Variants in TDRD6 observed in about 807,000 individuals in gnomAD.
TDRD6 encodes tudor domain-containing protein 6.
In TDRD6, 186 loss-of-function variants were observed where a neutral mutation model predicts 157.5. The ratio of observed to expected loss-of-function variants is 1.18; its 90% CI spans 1.05 to 1.33. The LOEUF is 1.33. Among genes scored for constraint, TDRD6 ranks in the 40% most tolerant of loss-of-function variants. TDRD6 has a pLI of 0.00. For synonymous variants in TDRD6, 1,075 were observed against 945.2 expected, an observed-to-expected ratio of 1.14 and a Z score of -2.52; for missense variants, 3,066 against 2,508.0, an observed-to-expected ratio of 1.22 and a Z score of -4.75.
Position 46,702,080 on chromosome 6 carries a change from G to C in TDRD6, c.*193G>C. On this transcript the variant is annotated 3_prime_UTR_variant, in exon 4 of 4. Transcript: ENST00000316081. ...GGTGGGGTGTGTTTATAGTGATCCT[G>C]TTATATATACAGATCTGGGATCTTT... The C allele has an allele frequency of 1.9e-6, 1 of 515,280 alleles. No homozygotes were observed. The highest frequency in any genetic ancestry group is 3.5e-6 in the Non-Finnish European group (1 of 288,464). 31.9% of individuals were successfully genotyped at this position (515,280 alleles called of 1,614,324 possible).
At chr6:46,681,516 ACCC>A in the TDRD6 span, 1 of 470,612 alleles carries the variant, frequency 2.1e-6, no homozygotes, top group South Asian at 1.6e-5. Context: ...CCCATACTTT[ACCC>A]CCAACAGGCT....
chr6:46,695,813 T>C lies in TDRD6; in HGVS notation c.6047-8T>C. On this transcript the variant is annotated splice_region_variant and splice_polypyrimidine_tract_variant and intron_variant, in intron 1 of 3. Transcript: ENST00000316081. ...ATGCATTGAGTCTTACTCAATTCAATTTGGCAGCTCAACTACAGAACACCT... is the reference window on the plus strand; with the variant it reads ...ATGCATTGAGTCTTACTCAATTCAACTTGGCAGCTCAACTACAGAACACCT... The C allele has an allele frequency of 6.2e-7, 1 of 1,611,506 alleles. No homozygotes were observed. Among genetic ancestry groups the C allele is most frequent in the Non-Finnish European group, 8.5e-7 (1 of 1,179,028 alleles).
In TDRD6 at chr6:46,688,302, C is replaced by T; in HGVS notation, c.174C>T (p.Gly58=). The T allele has an allele frequency of 6.7e-7, 1 of 1,503,652 alleles. No individual in the cohort carries two copies. The highest frequency in any genetic ancestry group is 8.8e-7 in the Non-Finnish European group (1 of 1,133,786). The allele number at this position is 1,503,652 out of a possible 1,614,324, so 93.1% of individuals were successfully genotyped here. The part of the protein sequence containing the change: ...REIQEAAATR[G]QWALGSASAS... ...TCCAGGAAGCGGCGGCCACGCGCGGCCAGTGGGCGCTGGGCAGCGCCTCGG... is the reference window on the plus strand; with the variant it reads ...TCCAGGAAGCGGCGGCCACGCGCGGTCAGTGGGCGCTGGGCAGCGCCTCGG... Residue 58 remains glycine (G), a synonymous_variant, in exon 1 of 4, where the codon GGC becomes GGT. Coordinates refer to ENST00000316081, the MANE Select transcript of TDRD6 (RefSeq NM_001010870.3).
intron 3 of TDRD6, among the ~76,000 whole-genome samples, chr6:46,699,609 T>C (rs756368424): frequency 4.3e-4 from 65 of 152,086 alleles, no homozygotes; most frequent in Non-Finnish European, 9.0e-4. Context: ...CTGTCTACGC[T>C]AGCTAGGCAG....
upstream of TDRD6, among the ~76,000 whole-genome samples, chr6:46,685,164 G>GT (rs1213266230): frequency 6.6e-6 from 1 of 151,800 alleles, no homozygotes; most frequent in African/African-American, 2.4e-5. Flanking sequence ...TTCGAGAGTC[G>GT]TTTATCTATT....
Position 46,690,362 on chromosome 6 carries a change from C to T in TDRD6, c.2234C>T (p.Ala745Val), listed in dbSNP as rs1322814594. ...ELVVQEKVKR[A>V]SVYFPLMQNC... is the part of the protein sequence containing the mutation. Reference sequence around the variant, plus strand: ...GTTGTGCAGGAAAAAGTGAAAAGAGCATCTGTTTATTTTCCTCTTATGCAG... The same window carrying T: ...GTTGTGCAGGAAAAAGTGAAAAGAGTATCTGTTTATTTTCCTCTTATGCAG... The change falls in exon 1 of 4, where the codon GCA (alanine) becomes GTA (valine). Residue 745 changes from alanine (A) to valine (V), a missense_variant. Transcript: ENST00000316081. 2.5e-6 allele frequency: 4 copies of T among 1,613,668 alleles called. No individual in the cohort carries two copies. The South Asian group carries it at 4.4e-5, about 18-fold the overall frequency.
Position 46,693,299 on chromosome 6 carries a change from A to G in TDRD6, c.5171A>G (p.Asn1724Ser), listed in dbSNP as rs1764397378. 11 of 1,610,386 alleles carry G rather than the reference A, an allele frequency of 6.8e-6. No homozygotes were observed. The highest frequency in any genetic ancestry group is 4.5e-5 in the East Asian group (2 of 44,842). The change falls in exon 1 of 4, where the codon AAT (asparagine) becomes AGT (serine). Residue 1724 changes from asparagine (N) to serine (S), a missense_variant. By Grantham distance (46) the Asn-to-Ser change is conservative (BLOSUM62 1). Transcript: ENST00000316081. ...ATAAAGCAGACTCTTGGGTCCTACA[A>G]TCTTGATGTAGGACTTAAGAAATTA... ...SEIKQTLGSY[N>S]LDVGLKKLSN...
At chr6:46,701,162 A>G (rs1056362613) in intron 3 of TDRD6, 5 of 242,490 alleles carry the variant, frequency 2.1e-5, no homozygotes, top group African/African-American at 4.7e-5. Context: ...TGGTTTATCA[A>G]TTTCTTTGGA....
In TDRD6 at chr6:46,692,363, C is replaced by T. The variant is rs779285215; in HGVS notation, c.4235C>T (p.Pro1412Leu). 1.3e-5 allele frequency: 21 copies of T among 1,614,004 alleles called. No homozygotes were observed. Among genetic ancestry groups the T allele is most frequent in the African/African-American group, 4.0e-5 (3 of 74,906 alleles). ...GRLDLVNAIL[P>L]GLCIHCSLQG... ...CTTGACCTTGTTAATGCAATATTGC[C>T]GGGGTTGTGCATTCATTGCTCCTTG... Residue 1412 changes from proline to leucine, a missense_variant, in exon 1 of 4, where the codon CCG becomes CTG. Pro to Leu is a moderately conservative substitution (Grantham distance 98). Transcript: ENST00000316081.
chr6:46,689,364 T>C lies in TDRD6; in HGVS notation c.1236T>C (p.Tyr412=). The C allele has an allele frequency of 6.2e-7, 1 of 1,614,106 alleles. No homozygotes were observed. The highest frequency in any genetic ancestry group is 1.3e-5 in the African/African-American group (1 of 75,056). The change falls in exon 1 of 4, where the codon TAT becomes TAC. Residue 412 remains tyrosine, a synonymous_variant. Coordinates refer to ENST00000316081, the MANE Select transcript of TDRD6 (RefSeq NM_001010870.3). The stretch of plus-strand genomic sequence containing the variant: ...CAGTGAATGCAAAGATTGAATTTTA[T>C]TGCTCCTTTGAGCATGTGTATTATG... ...GKAVNAKIEF[Y]CSFEHVYYVS...
upstream of TDRD6, chr6:46,687,633 T>C (rs1361928676): frequency 6.5e-6 from 1 of 152,990 alleles, no homozygotes. Flanking sequence ...TCCCTGGTAG[T>C]TGGGAGGACG....
In TDRD6 at chr6:46,693,511, G is replaced by A; in HGVS notation, c.5383G>A (p.Gly1795Ser). 1 of 1,613,748 alleles carries A rather than the reference G, an allele frequency of 6.2e-7. No homozygotes were observed. The highest frequency in any genetic ancestry group is 1.7e-5 in the Admixed American group (1 of 59,944). The change falls in exon 1 of 4, where the codon GGT (glycine) becomes AGT (serine). Residue 1795 changes from glycine (G) to serine (S), a missense_variant. Gly to Ser is a moderately conservative substitution (Grantham distance 56, BLOSUM62 0). Transcript: ENST00000316081. ...KDKIDTEELE[G>S]ELECHLVDKA... ...TAAAATTGATACTGAGGAACTGGAA[G>A]GTGAATTAGAGTGCCATCTGGTTGA...
rs2150678469 is a variant in TDRD6 at position 46,690,799 on chromosome 6, G to A, written c.2671G>A (p.Val891Ile). ...RCSLYNLIQP[V>I]GQNPFVWDVK... ...CAGTCTTTATAATTTAATTCAACCA[G>A]TTGGCCAGAATCCCTTTGTTTGGGA... The change falls in exon 1 of 4, where the codon GTT becomes ATT. Residue 891 changes from valine (V) to isoleucine (I), a missense_variant. By Grantham distance (29) the Val-to-Ile change is conservative. Coordinates refer to ENST00000316081, the MANE Select transcript of TDRD6 (RefSeq NM_001010870.3). 6.2e-7 allele frequency: 1 copy of A among 1,614,066 alleles called. No homozygotes were observed. Among genetic ancestry groups the A allele is most frequent in the Non-Finnish European group, 8.5e-7 (1 of 1,180,008 alleles).
chr6:46,687,814 C>A, upstream of TDRD6: 1 of 322,524 alleles, frequency 3.1e-6, no homozygotes, highest in Non-Finnish European at 5.7e-6. Context: ...GGCGTTAGGC[C>A]AACCCCAGGC....
intron 2 of TDRD6, among the ~76,000 whole-genome samples, chr6:46,696,474 GTA>G (rs1286889467): frequency 0.35 from 45,457 of 131,054 alleles, 7,827 homozygotes; most frequent in South Asian, 0.6. Flanking sequence ...GTATATGTGT[GTA>G]TATATATATA....
In TDRD6 at chr6:46,690,199, T is replaced by G. The variant is rs1309146744; in HGVS notation, c.2071T>G (p.Phe691Val). The G allele has an allele frequency of 6.2e-7, 1 of 1,613,882 alleles. No homozygotes were observed. ...CTCCCCAGGGCATGTTTCAAACCACTTTACTACGGAGAGTAACAAAATACC... is the reference window on the plus strand; with the variant it reads ...CTCCCCAGGGCATGTTTCAAACCACGTTACTACGGAGAGTAACAAAATACC... ...AHSPGHVSNHFTTESNKIPFA... is the reference protein window; with the variant it reads ...AHSPGHVSNHVTTESNKIPFA... The change falls in exon 1 of 4, where the codon TTT (phenylalanine) becomes GTT (valine). Residue 691 changes from phenylalanine to valine, a missense_variant. Transcript: ENST00000316081.
In TDRD6 at chr6:46,701,989, C is replaced by G. The variant is rs1189574645; in HGVS notation, c.*102C>G. 2 of 1,364,932 alleles carry G rather than the reference C, an allele frequency of 1.5e-6. No individual in the cohort carries two copies. Among genetic ancestry groups the G allele is most frequent in the African/African-American group, 1.5e-5 (1 of 68,326 alleles). The allele number at this position is 1,364,932 out of a possible 1,614,324, so 84.6% of individuals were successfully genotyped here. A position where few individuals can be genotyped will look rare whatever the true frequency, so the allele number is the denominator to read the frequency against. On this transcript the variant is annotated 3_prime_UTR_variant, in exon 4 of 4. Coordinates refer to ENST00000316081, the MANE Select transcript of TDRD6 (RefSeq NM_001010870.3). ...ATTTGAGAAAATTGAAAACATGTAA[C>G]CACAAGAAGTTGTCATTTTCAAAAA...
upstream of TDRD6, among the ~76,000 whole-genome samples, chr6:46,686,888 G>A (rs78990251): frequency 3.4e-3 from 524 of 152,340 alleles, 2 homozygotes; most frequent in African/African-American, 0.012. Context: ...GCACATGGTT[G>A]CCTCTAATCT....
chr6:46,695,400 G>T (rs1764464281), intron 1 of TDRD6, among the ~76,000 whole-genome samples: 1 of 152,034 alleles, frequency 6.6e-6, no homozygotes, highest in Non-Finnish European at 1.5e-5. Context: ...TATTACCCTT[G>T]CATTAGATAT....
Sources: allele counts gnomAD v4.1 joint callset (sites outside exome capture counted in the v4.1 genomes callset), GRCh38; gene constraint gnomAD v4.1.1; transcripts MANE v1.5; gene names NCBI Gene and HGNC (gene_info 2026-07-23, HGNC 2026-07-21).